Variants in ERG observed in about 807,000 individuals in gnomAD.
ERG encodes the protein transcriptional regulator ERG.
A neutral mutation model predicts 55.3 loss-of-function variants in ERG; 9 were observed. The ratio of observed to expected loss-of-function variants is 0.16; its 90% CI spans 0.10 to 0.28. The LOEUF (loss-of-function observed/expected upper bound fraction) is 0.28, where lower values mean the gene tolerates loss of function less well. ERG is among the 10% of genes least tolerant of loss of function. The pLI, the probability that ERG is intolerant of heterozygous loss-of-function variation, is 1.00. For missense variants in ERG, 434 were observed against 631.6 expected, an observed-to-expected ratio of 0.69 and a Z score of 3.35; for synonymous variants, 223 against 237.3, an observed-to-expected ratio of 0.94 and a Z score of 0.55.
chr21:38,564,811 G>T (rs563141277), intron 2 of ERG, among the ~76,000 whole-genome samples: 1 of 152,052 alleles, frequency 6.6e-6, no homozygotes, highest in South Asian at 2.1e-4. Context: ...CATTGGAGGG[G>T]CCCAAAGCTC....
intron 1 of ERG, among the ~76,000 whole-genome samples, chr21:38,620,378 C>A (rs2060283288): frequency 6.6e-6 from 1 of 152,184 alleles, no homozygotes; most frequent in African/African-American, 2.4e-5. Context: ...GACGGCCAAA[C>A]CTGACTTCTG....
At chr21:38,391,337 G>A (rs564776726) in intron 8 of ERG, among the ~76,000 whole-genome samples, 2 of 152,292 alleles carry the variant, frequency 1.3e-5, no homozygotes, top group African/African-American at 2.4e-5. Context: ...CATGTGCCAA[G>A]CCCCATCAAT....
intron 2 of ERG, among the ~76,000 whole-genome samples, chr21:38,549,570 C>T (rs1005777173): frequency 3.9e-5 from 6 of 152,150 alleles, no homozygotes; most frequent in East Asian, 1.9e-4. Flanking sequence ...TTTGCATTTA[C>T]GCTTCTTAGG....
At position 38,498,221 on chromosome 21, in the gene ERG, C is replaced by T. The variant is rs1601140417; in HGVS notation, c.18+142G>A. On this transcript the variant is annotated intron_variant, in intron 1 of 9. Transcript: ENST00000288319. This position sits in a 1 kb window ranked among gnomAD's most constrained non-coding sequence, Gnocchi z 4.6. ...AGTAGGAAAAAGGAAATTTACTAGG[C>T]AGTGCAAAGGAAATCTTGTTGTCCT... 1.4e-6 allele frequency: 1 copy of T among 720,802 alleles called. No individual in the cohort carries two copies. Among genetic ancestry groups the T allele is most frequent in the Non-Finnish European group, 2.4e-6 (1 of 420,814 alleles). The allele number at this position is 720,802 out of a possible 1,614,324, so 44.7% of individuals were successfully genotyped here.
chr21:38,471,703 C>G (rs1213703793), intron 1 of ERG: 1 of 152,180 alleles, frequency 6.6e-6, no homozygotes, highest in Non-Finnish European at 1.5e-5. Flanking sequence ...TTCATTTCCT[C>G]TTACCTGCAC....
chr21:38,435,467 A>T (rs1451990509), intron 2 of ERG, among the ~76,000 whole-genome samples: 1 of 152,212 alleles, frequency 6.6e-6, no homozygotes, highest in Non-Finnish European at 1.5e-5. Flanking sequence ...CTCCGGGCTC[A>T]AACTGAAACC....
intron 2 of ERG, among the ~76,000 whole-genome samples, chr21:38,552,629 A>C (rs1452546124): frequency 6.6e-6 from 1 of 152,200 alleles, no homozygotes; most frequent in African/African-American, 2.4e-5. Flanking sequence ...AATAAAATTC[A>C]ACATCCTTTC....
intron 1 of ERG, among the ~76,000 whole-genome samples, chr21:38,596,834 T>C (rs1017110654): frequency 2.6e-5 from 4 of 152,040 alleles, no homozygotes; most frequent in African/African-American, 4.8e-5. Context: ...CCAGGAGAGG[T>C]TCCCCACAGT....
intron 1 of ERG, among the ~76,000 whole-genome samples, chr21:38,452,234 T>C (rs1454454714): frequency 6.6e-6 from 1 of 152,202 alleles, no homozygotes; most frequent in Non-Finnish European, 1.5e-5. Context: ...AGTGTCCAGA[T>C]ACATTTGCAC....
intron 2 of ERG, among the ~76,000 whole-genome samples, chr21:38,546,794 C>T (rs1313018431): frequency 2.6e-5 from 4 of 152,320 alleles, no homozygotes; most frequent in Admixed American, 6.5e-5. Flanking sequence ...TCTGGGTAAA[C>T]GTGGAGTGTG....
chr21:38,613,247 G>T (rs73217986), intron 1 of ERG, among the ~76,000 whole-genome samples: 6,363 of 152,308 alleles, frequency 0.042, 161 homozygotes, highest in Middle Eastern at 0.11. Flanking sequence ...TTTAAAAAAA[G>T]AAATCACTGA....
upstream of ERG, among the ~76,000 whole-genome samples, chr21:38,501,866 C>T (rs1348889881): frequency 2.0e-5 from 3 of 152,168 alleles, no homozygotes; most frequent in African/African-American, 7.2e-5. Context: ...AAGAAAGAAA[C>T]AAAATAATAT....
Position 38,402,540 on chromosome 21 carries a change from G to T in ERG, c.673+17C>A, listed in dbSNP as rs374244797. 4.4e-6 allele frequency: 7 copies of T among 1,602,154 alleles called. No individual in the cohort carries two copies. In the African/African-American group the frequency reaches 8.1e-5, roughly 18 times the overall value. On this transcript the variant is annotated intron_variant, in intron 5 of 9. Coordinates refer to ENST00000288319, the MANE Select transcript of ERG (RefSeq NM_182918.4). ...CCCTACGCTCTTGCTGGGAGGCAGG[G>T]GCGGGGCCAGCATTACCTGTGTTTC...
intron 1 of ERG, among the ~76,000 whole-genome samples, chr21:38,459,641 T>TGG (rs2059022708): frequency 1.3e-5 from 2 of 152,200 alleles, no homozygotes; most frequent in Non-Finnish European, 2.9e-5. Context: ...AGAGATACCT[T>TGG]TATTCAGAGG....
chr21:38,423,958 G>A (rs1460343641), intron 2 of ERG, among the ~76,000 whole-genome samples: 2 of 151,222 alleles, frequency 1.3e-5, no homozygotes, highest in African/African-American at 2.4e-5. Flanking sequence ...ACTGGCGACA[G>A]AGTAAGATTC....
At chr21:38,412,521 C>T (rs1246190019) in intron 3 of ERG, among the ~76,000 whole-genome samples, 1 of 151,978 alleles carries the variant, frequency 6.6e-6, no homozygotes, top group African/African-American at 2.4e-5. Context: ...ATTTTACAGC[C>T]ATTTCTTTCT....
rs1987458442 is a variant in ERG at position 38,381,934 on chromosome 21, T to C, written c.*1469A>G. On this transcript the variant is annotated 3_prime_UTR_variant, in exon 10 of 10. Coordinates refer to ENST00000288319, the MANE Select transcript of ERG (RefSeq NM_182918.4). The stretch of plus-strand genomic sequence containing the variant: ...CCCTTGCACAAGTTCCTGGACAAAG[T>C]AAATTATAACACAAAATCCACAACA... 3.8e-6 allele frequency: 4 copies of C among 1,063,104 alleles called. No individual in the cohort carries two copies. The highest frequency in any genetic ancestry group is 4.2e-4 in the Middle Eastern group (1 of 2,398). 65.9% of individuals were successfully genotyped at this position (1,063,104 alleles called of 1,614,324 possible).
intron 1 of ERG, chr21:38,451,140 C>A (rs540038564): frequency 8.6e-4 from 419 of 486,914 alleles, no homozygotes; most frequent in African/African-American, 7.6e-3. Flanking sequence ...GAGAGAGAGG[C>A]TGGTAGAGGG....
intron 2 of ERG, among the ~76,000 whole-genome samples, chr21:38,574,192 T>C (rs1463577743): frequency 6.6e-6 from 1 of 152,254 alleles, no homozygotes; most frequent in Non-Finnish European, 1.5e-5. Context: ...TGCAGCTTCA[T>C]GGTCAGCAGA....
Sources: allele counts gnomAD v4.1 joint callset (sites outside exome capture counted in the v4.1 genomes callset), GRCh38; gene constraint gnomAD v4.1.1; non-coding constraint Gnocchi (gnomAD v3.1); transcripts MANE v1.5; gene names NCBI Gene and HGNC (gene_info 2026-07-23, HGNC 2026-07-21).